The following CACNA1A variants were observed in gnomAD, a reference collection of about 807,000 sequenced individuals.
CACNA1A encodes calcium voltage-gated channel subunit alpha1 A.
In CACNA1A, 57 loss-of-function variants were observed where a neutral mutation model predicts 262.4. The observed-to-expected ratio is 0.22, with a 90% CI of 0.18 to 0.27. The LOEUF is 0.27. Among genes scored for constraint, CACNA1A ranks in the 10% least tolerant of loss-of-function variants. The pLI is 1.00. For missense variants in CACNA1A, 2,526 were observed against 3,562.8 expected, an observed-to-expected ratio of 0.71 and a Z score of 7.41; for synonymous variants, 1,431 against 1,419.3, an observed-to-expected ratio of 1.01 and a Z score of -0.18.
intron 19 of CACNA1A, among the ~76,000 whole-genome samples, chr19:13,298,034 C>A (rs1177228229): frequency 6.6e-6 from 1 of 151,940 alleles, no homozygotes; most frequent in Non-Finnish European, 1.5e-5. Flanking sequence ...TGTTGGCCAG[C>A]CTGTTCTCCA....
At chr19:13,461,081 T>C (rs1472917780) in intron 1 of CACNA1A, among the ~76,000 whole-genome samples, 1 of 152,122 alleles carries the variant, frequency 6.6e-6, no homozygotes, top group Non-Finnish European at 1.5e-5. Context: ...GGCTCACACC[T>C]GTAATCCCAG....
chr19:13,473,265 A>AG (rs1555792208), intron 1 of CACNA1A, among the ~76,000 whole-genome samples: 37 of 151,768 alleles, frequency 2.4e-4, no homozygotes, highest in East Asian at 5.8e-4. Flanking sequence ...AAAAAAAAAA[A>AG]AGAGAGAGAG....
At chr19:13,314,091 C>T (rs554555467) in intron 11 of CACNA1A, among the ~76,000 whole-genome samples, 7 of 152,200 alleles carry the variant, frequency 4.6e-5, no homozygotes, top group Admixed American at 1.3e-4. Context: ...TGCATTTGCT[C>T]CAGCAAATAA....
chr19:13,504,776 G>A (rs1022676936), intron 1 of CACNA1A, among the ~76,000 whole-genome samples: 1 of 152,132 alleles, frequency 6.6e-6, no homozygotes, highest in Non-Finnish European at 1.5e-5. Flanking sequence ...TCTGGGTCAT[G>A]CTTAGATAAC....
At chr19:13,358,318 C>A (rs1027797212) in intron 6 of CACNA1A, among the ~76,000 whole-genome samples, 4 of 152,192 alleles carry the variant, frequency 2.6e-5, no homozygotes, top group African/African-American at 9.7e-5. Context: ...GTAATCCCAG[C>A]ACTTTGGGAG....
chr19:13,303,380 G>A (rs1322570527), intron 17 of CACNA1A, among the ~76,000 whole-genome samples, 166 bp downstream of exon 17: 1 of 152,084 alleles, frequency 6.6e-6, no homozygotes, highest in Non-Finnish European at 1.5e-5. Context: ...CTGTTTCTGG[G>A]AGTGGGGGGA....
chr19:13,494,945 CAATCAGT>C (rs1042040233), intron 1 of CACNA1A, among the ~76,000 whole-genome samples: 1 of 152,132 alleles, frequency 6.6e-6, no homozygotes, highest in African/African-American at 2.4e-5. Flanking sequence ...AAAACCATAT[CAATCAGT>C]AATCTGTAAT....
intron 6 of CACNA1A, 85 bp downstream of exon 6, chr19:13,359,521 T>C (rs1326215178): frequency 6.5e-6 from 7 of 1,077,976 alleles, no homozygotes; most frequent in African/African-American, 1.6e-5. Context: ...GGTCCCTCCA[T>C]TGCAGCCTTG....
chr19:13,241,051 G>A lies in CACNA1A; in HGVS notation c.4950+4131C>T, dbSNP rs2056067965. Among the ~76,000 whole-genome samples the A allele has an allele frequency of 6.6e-6, 1 of 152,238 alleles. No individual in the cohort carries two copies. Among genetic ancestry groups the A allele is most frequent in the African/African-American group, 2.4e-5 (1 of 41,456 alleles). On this transcript the variant is annotated intron_variant, in intron 31 of 46. Coordinates refer to ENST00000360228, the MANE Select transcript of CACNA1A (RefSeq NM_001127222.2). This position sits in a 1 kb window ranked among gnomAD's most constrained non-coding sequence, Gnocchi z 4.0. Reference sequence around the variant, plus strand: ...CCAAAGATCTTGTGGGCTTGAGATGGAGGATTGGGGACAGCAGGATGGAGA... The same window carrying A: ...CCAAAGATCTTGTGGGCTTGAGATGAAGGATTGGGGACAGCAGGATGGAGA...
intron 1 of CACNA1A, among the ~76,000 whole-genome samples, chr19:13,478,720 C>A (rs1978880028): frequency 6.6e-6 from 1 of 152,194 alleles, no homozygotes; most frequent in Non-Finnish European, 1.5e-5. Context: ...ACAGAAATGC[C>A]AATCAACAGG....
intron 15 of CACNA1A, among the ~76,000 whole-genome samples, chr19:13,304,748 A>C (rs934325266): frequency 2.0e-5 from 3 of 151,090 alleles, no homozygotes; most frequent in African/African-American, 7.3e-5. Context: ...GAAGGTGGCT[A>C]TCTGCAAGCT....
chr19:13,499,064 G>T (rs74411830), intron 1 of CACNA1A, among the ~76,000 whole-genome samples: 5,517 of 152,138 alleles, frequency 0.036, 259 homozygotes, highest in African/African-American at 0.1. Flanking sequence ...TGGAAGGGGA[G>T]GGGGGTACCT....
At chr19:13,312,835 G>A in intron 11 of CACNA1A, 54 bp from the exon 12 acceptor site, 2 of 870,464 alleles carry the variant, frequency 2.3e-6, no homozygotes, top group South Asian at 3.4e-5. Flanking sequence ...GAGGGTAGGG[G>A]TTCCAGGTGG....
chr19:13,464,291 C>T (rs752370022), intron 1 of CACNA1A, among the ~76,000 whole-genome samples: 4 of 152,020 alleles, frequency 2.6e-5, no homozygotes, highest in African/African-American at 7.2e-5. Context: ...CCTAGCTACT[C>T]GAGAGACTGA....
chr19:13,459,085 T>C (rs1200834010), intron 1 of CACNA1A, among the ~76,000 whole-genome samples: 1 of 152,180 alleles, frequency 6.6e-6, no homozygotes, highest in Non-Finnish European at 1.5e-5. Context: ...AAGTGGTCTC[T>C]AAACATTGCT....
chr19:13,383,695 G>C (rs2059559332), intron 3 of CACNA1A, among the ~76,000 whole-genome samples: 1 of 152,142 alleles, frequency 6.6e-6, no homozygotes, highest in Admixed American at 6.5e-5. Flanking sequence ...TGCCTAGCTG[G>C]CCTCTTCGAA....
chr19:13,318,108 C>T (rs2058163884), intron 10 of CACNA1A, among the ~76,000 whole-genome samples: 1 of 149,508 alleles, frequency 6.7e-6, no homozygotes, highest in Admixed American at 6.7e-5. Flanking sequence ...CACAGCGAGA[C>T]AAGTTCTTTT....
intron 1 of CACNA1A, among the ~76,000 whole-genome samples, chr19:13,502,529 G>A (rs183224437): frequency 3.9e-5 from 6 of 152,078 alleles, no homozygotes; most frequent in African/African-American, 1.4e-4. Flanking sequence ...TGAGCTCTTC[G>A]GCAATCATCA....
chr19:13,402,682 C>G (rs2059915937), intron 3 of CACNA1A, among the ~76,000 whole-genome samples: 1 of 147,552 alleles, frequency 6.8e-6, no homozygotes, highest in Non-Finnish European at 1.5e-5. Flanking sequence ...ATTTCAACAT[C>G]AATTAATTGA....
Sources: allele counts gnomAD v4.1 joint callset (sites outside exome capture counted in the v4.1 genomes callset), GRCh38; gene constraint gnomAD v4.1.1; non-coding constraint Gnocchi (gnomAD v3.1); transcripts MANE v1.5; gene names NCBI Gene and HGNC (gene_info 2026-07-23, HGNC 2026-07-21).